KIAA0825: variants seen among roughly 807,000 people sequenced by gnomAD.
KIAA0825 encodes uncharacterized protein KIAA0825.
In KIAA0825, 119 loss-of-function variants were observed where a neutral mutation model predicts 147.6. The observed-to-expected ratio is 0.81, with a 90% confidence interval of 0.69 to 0.94. KIAA0825 has a LOEUF of 0.94. Among genes scored for constraint, KIAA0825 ranks in the 40% least tolerant of loss-of-function variants. The pLI is 0.00. For synonymous variants in KIAA0825, 470 were observed against 518.1 expected, an observed-to-expected ratio of 0.91 and a Z score of 1.26; for missense variants, 1,381 against 1,472.7, an observed-to-expected ratio of 0.94 and a Z score of 1.02.
At chr5:94,614,796 C>G (rs1376530895) in intron 1 of KIAA0825, among the ~76,000 whole-genome samples, 1 of 151,968 alleles carries the variant, frequency 6.6e-6, no homozygotes, top group Non-Finnish European at 1.5e-5. Context: ...GTTTATATAA[C>G]TTTCTCTCTC....
At chr5:94,319,896 G>A (rs1780001221) in intron 20 of KIAA0825, among the ~76,000 whole-genome samples, 1 of 151,820 alleles carries the variant, frequency 6.6e-6, no homozygotes, top group Non-Finnish European at 1.5e-5. Context: ...CTAGTCTCTG[G>A]TTACCTCTCT....
intron 4 of KIAA0825, among the ~76,000 whole-genome samples, chr5:94,523,306 T>C (rs1768576829): frequency 6.6e-6 from 1 of 151,648 alleles, no homozygotes; most frequent in Non-Finnish European, 1.5e-5. Context: ...TTTTGCAAGC[T>C]AGCTAGCCTT....
intron 14 of KIAA0825, among the ~76,000 whole-genome samples, chr5:94,423,340 T>C (rs1754438671): frequency 6.6e-6 from 1 of 152,220 alleles, no homozygotes; most frequent in East Asian, 1.9e-4. Context: ...TCAAATGTTT[T>C]ATAGATTATA....
chr5:94,394,782 G>A (rs1750409006), intron 17 of KIAA0825, among the ~76,000 whole-genome samples: 1 of 152,136 alleles, frequency 6.6e-6, no homozygotes, highest in Non-Finnish European at 1.5e-5. Flanking sequence ...CTGTAAATTA[G>A]TGTTGAATGC....
intron 17 of KIAA0825, among the ~76,000 whole-genome samples, chr5:94,392,131 G>C (rs917428096): frequency 1.3e-5 from 2 of 152,148 alleles, no homozygotes; most frequent in African/African-American, 4.8e-5. Context: ...CTTTACACCT[G>C]TTGTAGAACA....
chr5:94,517,311 T>C (rs550801431), intron 5 of KIAA0825, among the ~76,000 whole-genome samples: 2 of 152,264 alleles, frequency 1.3e-5, no homozygotes, highest in Admixed American at 1.3e-4. Context: ...ATATAAAGTA[T>C]AAATAATATA....
intron 17 of KIAA0825, among the ~76,000 whole-genome samples, chr5:94,394,053 T>C (rs1750289388): frequency 6.6e-6 from 1 of 151,894 alleles, no homozygotes; most frequent in Non-Finnish European, 1.5e-5. Context: ...GGTTTCATCA[T>C]ATCAGTCAGG....
chr5:94,453,170 T>G lies in KIAA0825; in HGVS notation c.2247-101A>C, dbSNP rs889026503. 5.4e-5 allele frequency: 37 copies of G among 680,494 alleles called. No homozygotes were observed. In the South Asian group the frequency reaches 7.2e-4, roughly 13 times the overall value. 42.2% of individuals were successfully genotyped at this position (680,494 alleles called of 1,614,324 possible). A position where few individuals can be genotyped will look rare whatever the true frequency, so the allele number is the denominator to read the frequency against. Reference sequence around the variant, plus strand: ...TACTTAGGATTCAGTTAATGATTTTTTTTGTTTGTTTCTTTGTTTGGAGAC... The same window carrying G: ...TACTTAGGATTCAGTTAATGATTTTGTTTGTTTGTTTCTTTGTTTGGAGAC... On this transcript the variant is annotated intron_variant, in intron 12 of 20. Transcript: ENST00000682413.
chr5:94,443,594 A>G (rs1401670705), intron 13 of KIAA0825, among the ~76,000 whole-genome samples: 2 of 152,148 alleles, frequency 1.3e-5, no homozygotes, highest in Non-Finnish European at 2.9e-5. Flanking sequence ...AATGGGGTCC[A>G]AGCATTATTG....
chr5:94,483,732 C>A (rs746670545), intron 6 of KIAA0825, among the ~76,000 whole-genome samples: 15 of 151,610 alleles, frequency 9.9e-5, no homozygotes, highest in Non-Finnish European at 1.9e-4. Flanking sequence ...CAAAGAAGGC[C>A]AGTAAACTAT....
chr5:94,224,741 T>C (rs927995413), intron 20 of KIAA0825, among the ~76,000 whole-genome samples: 1 of 152,204 alleles, frequency 6.6e-6, no homozygotes, highest in African/African-American at 2.4e-5. Flanking sequence ...CTTGGGACCC[T>C]GGATGTCTGA....
chr5:94,350,065 A>G (rs971513922), intron 20 of KIAA0825, among the ~76,000 whole-genome samples: 4 of 152,228 alleles, frequency 2.6e-5, no homozygotes, highest in Non-Finnish European at 5.9e-5. Flanking sequence ...GAGAAAATCC[A>G]AATAACCTCA....
chr5:94,481,294 C>T lies in KIAA0825; in HGVS notation c.1132+3475G>A, dbSNP rs1206161537. Among the ~76,000 whole-genome samples, 3 of 152,082 alleles carry T rather than the reference C, an allele frequency of 2.0e-5. No homozygotes were observed. In the East Asian group the frequency reaches 5.8e-4, roughly 29 times the overall value. On this transcript the variant is annotated intron_variant, in intron 6 of 20. Transcript: ENST00000682413. ...TTTATACTTCTGGTTAGTTTCTACA[C>T]TGCCGCTTTCTTTCATAGAGAGTAG... is the stretch of plus-strand genomic sequence containing the variant.
Position 94,591,754 on chromosome 5 carries a change from T to C in KIAA0825, c.-152-9171A>G, listed in dbSNP as rs144614218. 7.9e-3 allele frequency among the ~76,000 whole-genome samples: 1,203 copies of C among 152,256 alleles called. 21 individuals are homozygous for C. Among genetic ancestry groups the C allele is most frequent in the African/African-American group, 0.028 (1,150 of 41,524 alleles). Reference sequence around the variant, plus strand: ...GAAATACCCGAGACTGGGTAATTTATAAAGAAAAATAGGTTTAATGGACTC... The same window carrying C: ...GAAATACCCGAGACTGGGTAATTTACAAAGAAAAATAGGTTTAATGGACTC... On this transcript the variant is annotated intron_variant, in intron 1 of 20. Transcript: ENST00000682413.
At chr5:94,542,745 T>A (rs1345605147) in intron 2 of KIAA0825, among the ~76,000 whole-genome samples, 1 of 151,922 alleles carries the variant, frequency 6.6e-6, no homozygotes, top group Non-Finnish European at 1.5e-5. Context: ...AGGCAGAGGT[T>A]GCAGTGAGCC....
intron 20 of KIAA0825, among the ~76,000 whole-genome samples, chr5:94,342,569 AT>A (rs1782531916): frequency 6.6e-6 from 1 of 152,152 alleles, no homozygotes; most frequent in African/African-American, 2.4e-5. Flanking sequence ...TTTAGATAAA[AT>A]GTAATCTCTC....
At chr5:94,253,720 CAT>C (rs2150124555) in intron 20 of KIAA0825, among the ~76,000 whole-genome samples, 1 of 152,216 alleles carries the variant, frequency 6.6e-6, no homozygotes, top group Non-Finnish European at 1.5e-5. Context: ...ATAGCATGTA[CAT>C]TAACCTTGCC....
rs531344641 is a variant in KIAA0825 at position 94,226,862 on chromosome 5, A to C, written c.3711-72738T>G. On this transcript the variant is annotated intron_variant, in intron 20 of 20. Transcript: ENST00000682413. ...CCACAATGAGATACCATCTCACGCC[A>C]GTTAGAATGGCAATCATTAAAAAGT... Among the ~76,000 whole-genome samples the C allele has an allele frequency of 4.3e-4, 65 of 152,238 alleles. 1 individual carries two copies. In the South Asian group the frequency reaches 0.013, roughly 30 times the overall value.
At chr5:94,209,637 T>C (rs180736709) in intron 20 of KIAA0825, among the ~76,000 whole-genome samples, 9 of 152,320 alleles carry the variant, frequency 5.9e-5, no homozygotes. Flanking sequence ...GTAATGCCTT[T>C]CTTTACCTGT....
Sources: gnomAD v4.1 joint callset for allele counts (sites outside exome capture counted in the v4.1 genomes callset) on GRCh38, gnomAD v4.1.1 for gene constraint, MANE v1.5 for transcripts, NCBI Gene and HGNC (gene_info 2026-07-23, HGNC 2026-07-21) for gene names.